The following CUL9 variants were observed in gnomAD, a reference collection of about 807,000 sequenced individuals.
CUL9 encodes cullin-9.
Under a neutral mutation model 272.6 loss-of-function variants are expected in CUL9, and 79 were observed. The ratio of observed to expected loss-of-function variants is 0.29; its 90% CI spans 0.24 to 0.35. The LOEUF is 0.35. CUL9 is among the 10% of genes least tolerant of loss of function. The probability of loss-of-function intolerance (pLI) is 1.00; values close to 1 mark genes in which losing one functional copy is unlikely to be tolerated. For synonymous variants in CUL9, 1,186 were observed against 1,286.5 expected, an observed-to-expected ratio of 0.92 and a Z score of 1.67; for missense variants, 2,532 against 3,255.6, an observed-to-expected ratio of 0.78 and a Z score of 5.41.
In CUL9 at chr6:43,198,714, T is replaced by C; in HGVS notation, c.2909T>C (p.Val970Ala). 6.2e-7 allele frequency: 1 copy of C among 1,614,176 alleles called. No homozygotes were observed. Among genetic ancestry groups the C allele is most frequent in the South Asian group, 1.1e-5 (1 of 91,088 alleles). Residue 970 changes from valine to alanine, a missense_variant, in exon 12 of 41, where the codon GTG (valine) becomes GCG (alanine). This residue lies in a region of CUL9 where 2,218 missense variants were observed against 2,788.6 expected (regional missense o/e 0.80). Coordinates refer to ENST00000252050, the MANE Select transcript of CUL9 (RefSeq NM_015089.4). ...GAACTACTCCTGGACTTGGAGCGTGTGCTGTGCCGTGAGGGCAGCCCCGGA... is the reference window on the plus strand; with the variant it reads ...GAACTACTCCTGGACTTGGAGCGTGCGCTGTGCCGTGAGGGCAGCCCCGGA... ...SAELLLDLERVLCREGSPGGA... is the reference protein window; with the variant it reads ...SAELLLDLERALCREGSPGGA...
rs373755106 is a variant in CUL9 at position 43,200,145 on chromosome 6, G to C, written c.3373G>C (p.Gly1125Arg). 1 of 1,613,952 alleles carries C rather than the reference G, an allele frequency of 6.2e-7. No homozygotes were observed. The highest frequency in any genetic ancestry group is 2.2e-5 in the East Asian group (1 of 44,878). Residue 1125 changes from glycine to arginine, a missense_variant, in exon 14 of 41, where the codon GGC becomes CGC. Coordinates refer to ENST00000252050, the MANE Select transcript of CUL9 (RefSeq NM_015089.4). This position sits in a 1 kb window ranked among gnomAD's most constrained non-coding sequence, Gnocchi z 4.0. ...YSNLTSSILA[G>R]CIQMVLGQIE... Reference sequence around the variant, plus strand: ...CAACCTCACCTCCAGCATCCTGGCCGGCTGCATTCAGGTGAGGAGCGGCTG... The same window carrying C: ...CAACCTCACCTCCAGCATCCTGGCCCGCTGCATTCAGGTGAGGAGCGGCTG...
At chr6:43,209,641 T>G (rs529088999) in intron 26 of CUL9, among the ~76,000 whole-genome samples, 2 of 152,194 alleles carry the variant, frequency 1.3e-5, no homozygotes, top group South Asian at 4.2e-4. Context: ...ACGGTCCTTT[T>G]CTTTTCTTTC....
Position 43,205,259 on chromosome 6 carries a change from C to T in CUL9, c.4633-4C>T. The T allele has an allele frequency of 5.6e-6, 9 of 1,613,102 alleles. No individual in the cohort carries two copies. The highest frequency in any genetic ancestry group is 6.8e-6 in the Non-Finnish European group (8 of 1,179,074). On this transcript the variant is annotated splice_region_variant and splice_polypyrimidine_tract_variant and intron_variant, in intron 23 of 40. Coordinates refer to ENST00000252050, the MANE Select transcript of CUL9 (RefSeq NM_015089.4). ...TTTGCTCATGCCCTTTCCCCTGCCC[C>T]CAGATGAGTGAGCAGTTTGCCAGGT... is the stretch of plus-strand genomic sequence containing the variant.
In CUL9 at chr6:43,221,237, C is replaced by T. The variant is rs757877553; in HGVS notation, c.6668C>T (p.Ala2223Val). 5 of 1,611,706 alleles carry T rather than the reference C, an allele frequency of 3.1e-6. No homozygotes were observed. The highest frequency in any genetic ancestry group is 3.3e-5 in the Admixed American group (2 of 60,010). ...GGYYDGMSVE[A>V]QSKHLAKLIS... The stretch of plus-strand genomic sequence containing the variant: ...TACTATGACGGCATGAGCGTGGAGG[C>T]GCAGAGCAAGCACCTGGCCAAGCTC... Residue 2223 changes from alanine (A) to valine (V), a missense_variant, in exon 34 of 41, where the codon GCG (alanine) becomes GTG (valine). Transcript: ENST00000252050. The surrounding 1 kb of genome is among the most constrained non-coding windows in gnomAD (Gnocchi z 4.2).
In CUL9 at chr6:43,204,377, G is replaced by A. The variant is rs1411872202; in HGVS notation, c.4177G>A (p.Ala1393Thr). 1 of 1,614,056 alleles carries A rather than the reference G, an allele frequency of 6.2e-7. No homozygotes were observed. The highest frequency in any genetic ancestry group is 8.5e-7 in the Non-Finnish European group (1 of 1,179,956). Residue 1393 changes from alanine to threonine, a missense_variant, in exon 21 of 41, where the codon GCC becomes ACC. Physicochemically the swap from Ala to Thr is moderately conservative, Grantham distance 58. Around this residue, in one of 3 missense-constraint regions of CUL9, gnomAD observed 2,218 missense variants for 2,788.6 expected, o/e 0.80. Coordinates refer to ENST00000252050, the MANE Select transcript of CUL9 (RefSeq NM_015089.4). Reference sequence around the variant, plus strand: ...TCTTTCAGATGCGGAAGGCGTGAGTGCCCTGGGATGGCTGCTGGATCAGTA... The same window carrying A: ...TCTTTCAGATGCGGAAGGCGTGAGTACCCTGGGATGGCTGCTGGATCAGTA... ...ITSPDAEGVS[A>T]LGWLLDQYLE... is the part of the protein sequence containing the mutation.
At position 43,187,252 on chromosome 6, in the gene CUL9, C is replaced by G. The variant is rs752762877; in HGVS notation, c.1394C>G (p.Pro465Arg). The G allele has an allele frequency of 6.8e-6, 11 of 1,613,808 alleles. No homozygotes were observed. The highest frequency in any genetic ancestry group is 8.5e-6 in the Non-Finnish European group (10 of 1,179,864). Residue 465 changes from proline to arginine, a missense_variant, in exon 6 of 41, where the codon CCC becomes CGC. Around this residue, in one of 3 missense-constraint regions of CUL9, gnomAD observed 2,218 missense variants for 2,788.6 expected, o/e 0.80. Transcript: ENST00000252050. ...GCCATGCCTGTGTCCTCAGCATTTC[C>G]CTCCTGGGACTGGAATCCTATGGAT... ...AGATVLGTAF[P>R]SWDWNPMDGL...
At position 43,203,660 on chromosome 6, in the gene CUL9, C is replaced by T. The variant is rs982543347; in HGVS notation, c.4025+68C>T. ...CACTGTGAGAAGTAGGAGGGATGCTCCTGTGGGAGTCCGGAAGGGAAAGCT... is the reference window on the plus strand; with the variant it reads ...CACTGTGAGAAGTAGGAGGGATGCTTCTGTGGGAGTCCGGAAGGGAAAGCT... On this transcript the variant is annotated intron_variant, in intron 19 of 40. Transcript: ENST00000252050. The surrounding 1 kb of genome is among the most constrained non-coding windows in gnomAD (Gnocchi z 5.0). 6 of 1,555,796 alleles carry T rather than the reference C, an allele frequency of 3.9e-6. No homozygotes were observed. The highest frequency in any genetic ancestry group is 4.4e-6 in the Non-Finnish European group (5 of 1,147,420).
chr6:43,215,047 A>G, intron 29 of CUL9, 32 bp from the exon 30 acceptor site: 1 of 1,562,486 alleles, frequency 6.4e-7, no homozygotes, highest in Non-Finnish European at 8.7e-7. Context: ...CCTACATAAA[A>G]GTGGACTTCT....
chr6:43,198,084 T>G (rs1240947305), intron 11 of CUL9: 1 of 163,230 alleles, frequency 6.1e-6, no homozygotes, highest in Non-Finnish European at 1.3e-5. Flanking sequence ...TTACTAAAAA[T>G]ACAAAAATTA....
intron 9 of CUL9, among the ~76,000 whole-genome samples, chr6:43,195,388 A>G (rs1054965781): frequency 5.9e-5 from 9 of 152,240 alleles, no homozygotes; most frequent in African/African-American, 2.2e-4. Flanking sequence ...TATAATGCCA[A>G]CCACTGCCTG....
chr6:43,200,136 A>C lies in CUL9; in HGVS notation c.3364A>C (p.Ile1122Leu). ...AQLYSNLTSSILAGCIQMVLG... is the reference protein window; with the variant it reads ...AQLYSNLTSSLLAGCIQMVLG... The stretch of plus-strand genomic sequence containing the variant: ...GCTCTATAGCAACCTCACCTCCAGC[A>C]TCCTGGCCGGCTGCATTCAGGTGAG... The change falls in exon 14 of 41, where the codon ATC (isoleucine) becomes CTC (leucine). Residue 1122 changes from isoleucine to leucine, a missense_variant. By Grantham distance (5) the Ile-to-Leu change is conservative. This residue lies in a region of CUL9 where 2,218 missense variants were observed against 2,788.6 expected (regional missense o/e 0.80). Coordinates refer to ENST00000252050, the MANE Select transcript of CUL9 (RefSeq NM_015089.4). This position sits in a 1 kb window ranked among gnomAD's most constrained non-coding sequence, Gnocchi z 4.0. 1 of 1,614,146 alleles carries C rather than the reference A, an allele frequency of 6.2e-7. No individual in the cohort carries two copies. The highest frequency in any genetic ancestry group is 1.1e-5 in the South Asian group (1 of 91,080).
At chr6:43,215,886 G>A (rs1438801205) in intron 30 of CUL9, among the ~76,000 whole-genome samples, 1 of 152,158 alleles carries the variant, frequency 6.6e-6, no homozygotes, top group Non-Finnish European at 1.5e-5. Flanking sequence ...GACCTACAGT[G>A]GGACTGTCCC....
intron 6 of CUL9, 97 bp downstream of exon 6, chr6:43,187,536 G>A: frequency 7.2e-7 from 1 of 1,391,364 alleles, no homozygotes; most frequent in Non-Finnish European, 9.9e-7. Flanking sequence ...TTAGGGGGAG[G>A]CTGGAGCTAG....
chr6:43,198,658 G>C lies in CUL9; in HGVS notation c.2853G>C (p.Leu951=), dbSNP rs1484485784. The C allele has an allele frequency of 6.2e-7, 1 of 1,614,082 alleles. No homozygotes were observed. Among genetic ancestry groups the C allele is most frequent in the East Asian group, 2.2e-5 (1 of 44,866 alleles). ...GTCAGGATGGGTCCCCTGAGCTACTGATTCGATCCCTGGTTGGGGGCCCAT... is the reference window on the plus strand; with the variant it reads ...GTCAGGATGGGTCCCCTGAGCTACTCATTCGATCCCTGGTTGGGGGCCCAT... ...IQGQDGSPEL[L]IRSLVGGPSA... is the part of the protein sequence containing the mutation. The change falls in exon 12 of 41, where the codon CTG becomes CTC. Residue 951 remains leucine, a synonymous_variant. Coordinates refer to ENST00000252050, the MANE Select transcript of CUL9 (RefSeq NM_015089.4).
chr6:43,186,573 A>C, intron 4 of CUL9, 118 bp downstream of exon 4: 5 of 1,399,304 alleles, frequency 3.6e-6, no homozygotes, highest in Non-Finnish European at 3.8e-6. Context: ...GGGGAATTGG[A>C]ATGATACAAG....
intron 17 of CUL9, 132 bp from the exon 18 acceptor site, chr6:43,202,977 C>T: frequency 8.4e-7 from 1 of 1,187,716 alleles, no homozygotes; most frequent in Non-Finnish European, 1.2e-6. Flanking sequence ...GGATGCAGAG[C>T]CACGTCCATC....
chr6:43,183,839 G>A lies in CUL9; in HGVS notation c.-9-463G>A, dbSNP rs572497899. ...GCGGTCTTGGCTCACTGCAACCTCC[G>A]CCTCCTGGGTTCAAGTGATTCTCCT... On this transcript the variant is annotated intron_variant, in intron 1 of 40. Transcript: ENST00000252050. Among the ~76,000 whole-genome samples the A allele has an allele frequency of 4.0e-5, 6 of 151,686 alleles. No homozygotes were observed. In the East Asian group the frequency reaches 7.7e-4, roughly 20 times the overall value.
Position 43,196,799 on chromosome 6 carries a change from C to G in CUL9, c.2740C>G (p.Arg914Gly). The G allele has an allele frequency of 6.2e-7, 1 of 1,614,206 alleles. No homozygotes were observed. Among genetic ancestry groups the G allele is most frequent in the Non-Finnish European group, 8.5e-7 (1 of 1,180,042 alleles). ...APRTEPMPTTRTILMMLLNRY... is the reference protein window; with the variant it reads ...APRTEPMPTTGTILMMLLNRY... ...AAGAACAGAACCTATGCCTACCACACGCACCATCCTCATGATGCTTCTCAA... is the reference window on the plus strand; with the variant it reads ...AAGAACAGAACCTATGCCTACCACAGGCACCATCCTCATGATGCTTCTCAA... Residue 914 changes from arginine (R) to glycine (G), a missense_variant, in exon 11 of 41, where the codon CGC (arginine) becomes GGC (glycine). Physicochemically the swap from Arg to Gly is moderately radical, Grantham distance 125. This residue lies in a region of CUL9 where 2,218 missense variants were observed against 2,788.6 expected (regional missense o/e 0.80). Coordinates refer to ENST00000252050, the MANE Select transcript of CUL9 (RefSeq NM_015089.4).
chr6:43,193,921 T>C (rs1773753579), intron 9 of CUL9, among the ~76,000 whole-genome samples: 1 of 152,172 alleles, frequency 6.6e-6, no homozygotes, highest in Non-Finnish European at 1.5e-5. Context: ...AAACCAAAAG[T>C]ATTTTTTTTT....
Sources: allele counts gnomAD v4.1 joint callset (sites outside exome capture counted in the v4.1 genomes callset), GRCh38; gene constraint gnomAD v4.1.1; regional missense constraint gnomAD v4.1.1; non-coding constraint Gnocchi (gnomAD v3.1); transcripts MANE v1.5; gene names NCBI Gene and HGNC (gene_info 2026-07-23, HGNC 2026-07-21).